Variants in COX7B2 observed in about 807,000 individuals in gnomAD.
The protein encoded by COX7B2 is cytochrome c oxidase subunit 7B2, also known as cytochrome c oxidase subunit 7B2, mitochondrial.
For synonymous variants in COX7B2, 37 were observed against 32.1 expected, an observed-to-expected ratio of 1.15 and a Z score of -0.51; for missense variants, 109 against 95.9, an observed-to-expected ratio of 1.14 and a Z score of -0.57.
chr4:46,894,137 G>A (rs894554230), intron 1 of COX7B2, among the ~76,000 whole-genome samples: 3 of 152,172 alleles, frequency 2.0e-5, no homozygotes, highest in South Asian at 4.2e-4. Flanking sequence ...TACCAACAAT[G>A]TTCTTCACAG....
At chr4:46,799,309 A>G (rs530636453) in intron 2 of COX7B2, among the ~76,000 whole-genome samples, 7 of 152,120 alleles carry the variant, frequency 4.6e-5, no homozygotes, top group Non-Finnish European at 7.4e-5. Flanking sequence ...ATCTGTGAAG[A>G]GAGATAGTTT....
In COX7B2 at chr4:46,763,171, T is replaced by A. The variant is rs1405450370; in HGVS notation, c.-49-27930A>T. Among the ~76,000 whole-genome samples, 5 of 135,128 alleles carry A rather than the reference T, an allele frequency of 3.7e-5. No individual in the cohort carries two copies. The South Asian group carries it at 8.6e-4, about 23-fold the overall frequency. The allele number at this position is 135,128 out of a possible 152,430, so 88.6% of individuals were successfully genotyped here. The stretch of plus-strand genomic sequence containing the variant: ...TATTATAATATATATTTACAATATA[T>A]ATTTATATACTGTAAATATATAATA... On this transcript the variant is annotated intron_variant, in intron 2 of 2. Coordinates refer to ENST00000355591, the MANE Select transcript of COX7B2 (RefSeq NM_130902.3).
intron 2 of COX7B2, among the ~76,000 whole-genome samples, chr4:46,789,631 A>C (rs774818077): frequency 3.3e-4 from 50 of 152,166 alleles, no homozygotes; most frequent in Admixed American, 2.0e-4. Context: ...GTTCCAAGTG[A>C]AAAACAAAAA....
intron 2 of COX7B2, among the ~76,000 whole-genome samples, chr4:46,812,463 G>A (rs1202794560): frequency 6.6e-6 from 1 of 152,170 alleles, no homozygotes; most frequent in Non-Finnish European, 1.5e-5. Context: ...CACACTGGCA[G>A]GTGGGCTCCA....
At chr4:46,751,639 T>C (rs1715385917) in intron 2 of COX7B2, among the ~76,000 whole-genome samples, 1 of 151,894 alleles carries the variant, frequency 6.6e-6, no homozygotes, top group African/African-American at 2.4e-5. Context: ...ATAAACTGTA[T>C]AAAATATACA....
intron 2 of COX7B2, among the ~76,000 whole-genome samples, chr4:46,803,732 C>CTTTTTTTTTT (rs5858039): frequency 8.1e-6 from 1 of 123,288 alleles, no homozygotes; most frequent in African/African-American, 3.1e-5. Context: ...GGTTTACTTT[C>CTTTTTTTTTT]TTTTTTTTTT....
chr4:46,862,928 A>T (rs1717425764), intron 1 of COX7B2, among the ~76,000 whole-genome samples: 1 of 152,180 alleles, frequency 6.6e-6, no homozygotes, highest in Non-Finnish European at 1.5e-5. Flanking sequence ...TACTGGACGT[A>T]TGGGTCATTT....
At chr4:46,855,132 A>C (rs1716931109) in intron 1 of COX7B2, among the ~76,000 whole-genome samples, 1 of 152,100 alleles carries the variant, frequency 6.6e-6, no homozygotes, top group Non-Finnish European at 1.5e-5. Context: ...GTTCGAAACC[A>C]GCCTGGCCAA....
rs550276399 is a variant in COX7B2, at chr4:46,895,129, G to A, written c.-105+14031C>T. Among the ~76,000 whole-genome samples the A allele has an allele frequency of 1.3e-4, 20 of 152,196 alleles. No homozygotes were observed. In the East Asian group the frequency reaches 2.1e-3, roughly 16 times the overall value. The stretch of plus-strand genomic sequence containing the variant: ...AACTAACATTTGACCCAGCACTCCC[G>A]TTATTGGGTATATACCCAAAGGTTT... On this transcript the variant is annotated intron_variant, in intron 1 of 2. Transcript: ENST00000355591.
At chr4:46,772,243 AAATC>A (rs1716916887) in intron 2 of COX7B2, among the ~76,000 whole-genome samples, 1 of 152,168 alleles carries the variant, frequency 6.6e-6, no homozygotes, top group African/African-American at 2.4e-5. Flanking sequence ...GAACCTAAAA[AAATC>A]AAACTCGTAG....
intron 2 of COX7B2, among the ~76,000 whole-genome samples, chr4:46,748,021 C>T (rs1374260130): frequency 6.6e-6 from 1 of 152,102 alleles, no homozygotes; most frequent in Non-Finnish European, 1.5e-5. Context: ...AAAGTGGAGC[C>T]ATTTATATTT....
intron 2 of COX7B2, among the ~76,000 whole-genome samples, chr4:46,791,289 G>A (rs551261512): frequency 1.6e-4 from 25 of 151,988 alleles, no homozygotes; most frequent in Admixed American, 8.5e-4. Context: ...GATTACAGGC[G>A]TGAGCCACCG....
At chr4:46,878,235 CA>C (rs1425430649) in intron 1 of COX7B2, among the ~76,000 whole-genome samples, 1 of 151,390 alleles carries the variant, frequency 6.6e-6, no homozygotes, top group Admixed American at 6.6e-5. Flanking sequence ...CAGTGGTTAC[CA>C]GGGGTGAGGA....
At chr4:46,857,098 C>G (rs1236074392) in intron 1 of COX7B2, among the ~76,000 whole-genome samples, 1 of 152,156 alleles carries the variant, frequency 6.6e-6, no homozygotes, top group African/African-American at 2.4e-5. Context: ...AAAACAAGCA[C>G]ATGGTGACAA....
intron 1 of COX7B2, among the ~76,000 whole-genome samples, chr4:46,896,508 G>C (rs1442139509): frequency 6.6e-6 from 1 of 152,070 alleles, no homozygotes; most frequent in Non-Finnish European, 1.5e-5. Context: ...TAGGAATATA[G>C]GCAAGCCAAT....
Position 46,818,937 on chromosome 4 carries a change from ATTCT to A in COX7B2, c.-50+26019_-50+26022del, listed in dbSNP as rs1714056442. ...ACACTGTAAGTTTTAAGCATAAAAA[ATTCT>A]TTCTACTTATTACAGTGTATCAGGT... On this transcript the variant is annotated intron_variant, in intron 2 of 2. Transcript: ENST00000355591. Among the ~76,000 whole-genome samples the A allele has an allele frequency of 3.9e-5, 6 of 152,236 alleles. No homozygotes were observed. In the South Asian group the frequency reaches 1.2e-3, roughly 31 times the overall value.
At chr4:46,752,687 T>G (rs904609461) in intron 2 of COX7B2, among the ~76,000 whole-genome samples, 1 of 152,198 alleles carries the variant, frequency 6.6e-6, no homozygotes, top group African/African-American at 2.4e-5. Flanking sequence ...CATGTGGTTT[T>G]TGTCGTTGGT....
intron 1 of COX7B2, among the ~76,000 whole-genome samples, chr4:46,878,551 T>C (rs1294492390): frequency 1.3e-5 from 2 of 151,960 alleles, no homozygotes; most frequent in Non-Finnish European, 2.9e-5. Flanking sequence ...TACAATAACA[T>C]GTTTTAAAGA....
intron 1 of COX7B2, among the ~76,000 whole-genome samples, chr4:46,877,669 G>A (rs765188175): frequency 3.9e-5 from 6 of 152,096 alleles, no homozygotes; most frequent in Non-Finnish European, 8.8e-5. Context: ...CAAAACCACT[G>A]TGATATACCA....
Sources: gnomAD v4.1 joint callset for allele counts (sites outside exome capture counted in the v4.1 genomes callset) on GRCh38, gnomAD v4.1.1 for gene constraint, MANE v1.5 for transcripts, NCBI Gene and HGNC (gene_info 2026-07-23, HGNC 2026-07-21) for gene names.